SDK2: variants seen among roughly 807,000 people sequenced by gnomAD.
SDK2 encodes the protein protein sidekick-2.
In SDK2, 105 loss-of-function variants were observed where a neutral mutation model predicts 253.9. The ratio of observed to expected loss-of-function variants is 0.41; its 90% CI spans 0.35 to 0.49. The LOEUF (loss-of-function observed/expected upper bound fraction) is 0.49. Among genes scored for constraint, SDK2 ranks in the 20% least tolerant of loss-of-function variants. The pLI, the probability that SDK2 is intolerant of heterozygous loss-of-function variation, is 0.06. For synonymous variants in SDK2, 1,249 were observed against 1,234.9 expected (o/e 1.01, Z -0.24); for missense variants, 2,608 against 3,003.0 (o/e 0.87, Z 3.07).
intron 18 of SDK2, among the ~76,000 whole-genome samples, chr17:73,404,346 C>G (rs2063053787): frequency 6.6e-6 from 1 of 152,112 alleles, no homozygotes; most frequent in Non-Finnish European, 1.5e-5. Context: ...GGGAGAGAGA[C>G]AGTAAAATTG....
chr17:73,560,582 C>T lies in SDK2; in HGVS notation c.65-52985G>A, dbSNP rs977218402. On this transcript the variant is annotated intron_variant, in intron 1 of 44. Coordinates refer to ENST00000392650, the MANE Select transcript of SDK2 (RefSeq NM_001144952.2). ...CTCGAACTCCTGACCTCAAGTGATC[C>T]GCCTGCCTCGGCCTCCCAAAGTGCT... 4.6e-5 allele frequency among the ~76,000 whole-genome samples: 7 copies of T among 152,356 alleles called. No homozygotes were observed. In the East Asian group the frequency reaches 1.3e-3, roughly 29 times the overall value.
rs762755792 is a variant in SDK2, at chr17:73,465,872, G to A, written c.331+6240C>T. ...CCCAGGAGACAGGAACAGCCAAGGAGGGGAGGGGCATTTGGGAAAAGTGAC... is the reference window on the plus strand; with the variant it reads ...CCCAGGAGACAGGAACAGCCAAGGAAGGGAGGGGCATTTGGGAAAAGTGAC... On this transcript the variant is annotated intron_variant, in intron 3 of 44. Transcript: ENST00000392650. The surrounding 1 kb of genome is among the most constrained non-coding windows in gnomAD (Gnocchi z 4.2). Among the ~76,000 whole-genome samples the A allele has an allele frequency of 1.3e-5, 2 of 152,146 alleles. No homozygotes were observed. The highest frequency in any genetic ancestry group is 2.9e-5 in the Non-Finnish European group (2 of 68,028).
intron 1 of SDK2, among the ~76,000 whole-genome samples, chr17:73,617,686 T>C (rs370925556): frequency 1.3e-5 from 2 of 152,300 alleles, no homozygotes; most frequent in East Asian, 1.9e-4. Context: ...TAACTGGCTC[T>C]CCTGAACTCA....
At chr17:73,528,895 A>G (rs1295079510) in intron 1 of SDK2, among the ~76,000 whole-genome samples, 1 of 152,142 alleles carries the variant, frequency 6.6e-6, no homozygotes, top group Admixed American at 6.5e-5. Flanking sequence ...GCACCGACAC[A>G]GGTGCAAGGA....
chr17:73,566,319 ATGTGTGTGTG>A (rs55940592), intron 1 of SDK2, among the ~76,000 whole-genome samples: 8 of 139,312 alleles, frequency 5.7e-5, no homozygotes, highest in South Asian at 2.3e-4. Context: ...TTATATATAT[ATGTGTGTGTG>A]TGTGTGTGTG....
chr17:73,483,521 G>GTA (rs146888812), intron 2 of SDK2, among the ~76,000 whole-genome samples: 55,295 of 134,332 alleles, frequency 0.41, 11,899 homozygotes, highest in East Asian at 0.47. Context: ...ATGTGTGTGT[G>GTA]TATATATATA....
chr17:73,581,642 T>C (rs2045535999), intron 1 of SDK2, among the ~76,000 whole-genome samples: 1 of 152,238 alleles, frequency 6.6e-6, no homozygotes, highest in East Asian at 1.9e-4. Flanking sequence ...CCTGCATCTT[T>C]GCCCATGGCA....
chr17:73,583,395 G>T (rs1292364584), intron 1 of SDK2, among the ~76,000 whole-genome samples: 1 of 152,146 alleles, frequency 6.6e-6, no homozygotes, highest in Non-Finnish European at 1.5e-5. Context: ...GGGCTGCTGG[G>T]GGTCTGCTAC....
intron 29 of SDK2, among the ~76,000 whole-genome samples, chr17:73,388,324 A>G (rs1404098699): frequency 1.3e-5 from 2 of 151,992 alleles, no homozygotes; most frequent in African/African-American, 4.8e-5. Context: ...AGTGACAAAC[A>G]CCCACCCAGC....
chr17:73,422,320 A>G lies in SDK2; in HGVS notation c.2012T>C (p.Val671Ala). 1 of 1,613,330 alleles carries G rather than the reference A, an allele frequency of 6.2e-7. No homozygotes were observed. Residue 671 changes from valine to alanine, a missense_variant, in exon 15 of 45, where the codon GTG (valine) becomes GCG (alanine). By Grantham distance (64) the Val-to-Ala change is moderately conservative (BLOSUM62 0). Around this residue, in one of 2 missense-constraint regions of SDK2, gnomAD observed 1,505 missense variants for 1,859.1 expected, o/e 0.81. Transcript: ENST00000392650. ...YQFRLCAVNDVGKGQFSKDTE... is the reference protein window; with the variant it reads ...YQFRLCAVNDAGKGQFSKDTE... The stretch of plus-strand genomic sequence containing the variant: ...GTCTTTGCTGAACTGTCCTTTCCCC[A>G]CGTCGTTGACGGCACAAAGACGGAA...
In SDK2 at chr17:73,431,892, G is replaced by A. The variant is rs2063329136; in HGVS notation, c.1313-223C>T. Reference sequence around the variant, plus strand: ...AGGGCACAGGGTCTCAGAGCGGGCAGCCTAGAGCCCAGGTCCCCTGATGCT... The same window carrying A: ...AGGGCACAGGGTCTCAGAGCGGGCAACCTAGAGCCCAGGTCCCCTGATGCT... On this transcript the variant is annotated intron_variant, in intron 10 of 44. Transcript: ENST00000392650. This position sits in a 1 kb window ranked among gnomAD's most constrained non-coding sequence, Gnocchi z 5.6. Among the ~76,000 whole-genome samples, 1 of 152,146 alleles carries A rather than the reference G, an allele frequency of 6.6e-6. No individual in the cohort carries two copies.
intron 4 of SDK2, among the ~76,000 whole-genome samples, chr17:73,450,090 T>C (rs1356282374): frequency 1.3e-5 from 2 of 152,186 alleles, no homozygotes; most frequent in Non-Finnish European, 2.9e-5. Flanking sequence ...CCTGAGAGTT[T>C]CCTGCAGGGA....
chr17:73,422,747 T>C (rs1399413309), intron 14 of SDK2, among the ~76,000 whole-genome samples: 3 of 151,892 alleles, frequency 2.0e-5, no homozygotes, highest in Admixed American at 6.6e-5. Context: ...TCAGGCTGGG[T>C]GTGGTGGCTC....
In SDK2 at chr17:73,383,728, TG is replaced by T; in HGVS notation, c.4705+147del. 1.1e-6 allele frequency: 1 copy of T among 882,560 alleles called. No individual in the cohort carries two copies. Among genetic ancestry groups the T allele is most frequent in the Non-Finnish European group, 1.7e-6 (1 of 571,896 alleles). The allele number at this position is 882,560 out of a possible 1,614,324, so 54.7% of individuals were successfully genotyped here. A position where few individuals can be genotyped will look rare whatever the true frequency, so the allele number is the denominator to read the frequency against. Reference sequence around the variant, plus strand: ...AGTAAATATTCAGTAAATGAATGAATGGGATGGGAGGAGGGAGAGGCACACA... The same window carrying T: ...AGTAAATATTCAGTAAATGAATGAATGGATGGGAGGAGGGAGAGGCACACA... On this transcript the variant is annotated intron_variant, in intron 33 of 44. Coordinates refer to ENST00000392650, the MANE Select transcript of SDK2 (RefSeq NM_001144952.2). The surrounding 1 kb of genome is among the most constrained non-coding windows in gnomAD (Gnocchi z 4.3).
intron 2 of SDK2, among the ~76,000 whole-genome samples, chr17:73,497,201 G>A (rs1283058135): frequency 6.6e-6 from 1 of 152,188 alleles, no homozygotes; most frequent in Non-Finnish European, 1.5e-5. Flanking sequence ...CCCAGCCTGA[G>A]CTCATGATTT....
At chr17:73,390,843 C>T (rs900525894) in intron 28 of SDK2, among the ~76,000 whole-genome samples, 1 of 152,204 alleles carries the variant, frequency 6.6e-6, no homozygotes, top group Non-Finnish European at 1.5e-5. Context: ...CTTCCTGCCC[C>T]CACTCTGTCT....
rs369689883 is a variant in SDK2, at chr17:73,416,013, A to G, written c.2187-21T>C. Reference sequence around the variant, plus strand: ...AGTACCTGAGGGGAAGAGGCGAGGCACAGTGGAGTCAGAGTCAGCTTCCTT... The same window carrying G: ...AGTACCTGAGGGGAAGAGGCGAGGCGCAGTGGAGTCAGAGTCAGCTTCCTT... On this transcript the variant is annotated intron_variant, in intron 16 of 44. Transcript: ENST00000392650. 56 of 1,600,566 alleles carry G rather than the reference A, an allele frequency of 3.5e-5. No homozygotes were observed. In the African/African-American group the frequency reaches 7.1e-4, roughly 20 times the overall value.
At chr17:73,565,715 G>A (rs1336151535) in intron 1 of SDK2, among the ~76,000 whole-genome samples, 5 of 152,260 alleles carry the variant, frequency 3.3e-5, no homozygotes, top group East Asian at 3.8e-4. Context: ...GCAGTCTAGC[G>A]GGTGGTGTTT....
At chr17:73,429,828 T>C (rs1289344778) in intron 12 of SDK2, among the ~76,000 whole-genome samples, 4 of 152,164 alleles carry the variant, frequency 2.6e-5, no homozygotes, top group African/African-American at 9.7e-5. Flanking sequence ...AGGGTTTGGT[T>C]CAGGTGCTTG....
Sources: gnomAD v4.1 joint callset for allele counts (sites outside exome capture counted in the v4.1 genomes callset) on GRCh38, gnomAD v4.1.1 for gene constraint, gnomAD v4.1.1 regional missense constraint, Gnocchi (gnomAD v3.1) non-coding constraint, MANE v1.5 for transcripts, NCBI Gene and HGNC (gene_info 2026-07-23, HGNC 2026-07-21) for gene names.